The following FHIT variants were observed in gnomAD, a reference collection of about 807,000 sequenced individuals.
The protein encoded by FHIT is fragile histidine triad diadenosine triphosphatase.
Under a neutral mutation model 17.9 loss-of-function variants are expected in FHIT, and 19 were observed. The observed-to-expected ratio is 1.06, with a 90% CI of 0.74 to 1.56. The LOEUF is 1.56. Ranked by LOEUF, FHIT falls within the 40% of genes most tolerant of loss-of-function variation. The pLI, the probability that FHIT is intolerant of heterozygous loss-of-function variation, is 0.00. For synonymous variants in FHIT, 81 were observed against 69.7 expected (o/e 1.16, Z -0.81); for missense variants, 248 against 189.2 (o/e 1.31, Z -1.82).
chr3:60,663,160 A>ATATATATATATATATATC (rs1553691630), intron 4 of FHIT, among the ~76,000 whole-genome samples: 2 of 132,514 alleles, frequency 1.5e-5, no homozygotes, highest in Admixed American at 1.5e-4. Flanking sequence ...GGAGATATAT[A>ATATATATATATATATATC]TCTCTTTAAT....
At chr3:59,921,891 A>T (rs951167619) in intron 8 of FHIT, among the ~76,000 whole-genome samples, 2 of 152,242 alleles carry the variant, frequency 1.3e-5, no homozygotes, top group Admixed American at 6.5e-5. Context: ...GTTTTTGCTC[A>T]TGATAATTTA....
chr3:60,135,429 C>A (rs1006263078), intron 5 of FHIT, among the ~76,000 whole-genome samples: 2 of 152,134 alleles, frequency 1.3e-5, no homozygotes, highest in African/African-American at 4.8e-5. Context: ...GCTAACAAAT[C>A]AATTTGATTC....
intron 5 of FHIT, among the ~76,000 whole-genome samples, chr3:60,302,122 T>A (rs1708480730): frequency 6.6e-6 from 1 of 152,186 alleles, no homozygotes; most frequent in Non-Finnish European, 1.5e-5. Flanking sequence ...GAAGGCCACT[T>A]TGAATCAATA....
At chr3:60,490,235 C>G (rs576768212) in intron 5 of FHIT, among the ~76,000 whole-genome samples, 30 of 151,964 alleles carry the variant, frequency 2.0e-4, no homozygotes, top group Admixed American at 1.7e-3. Flanking sequence ...GGGTGATCAT[C>G]TAATATTTTC....
intron 4 of FHIT, among the ~76,000 whole-genome samples, chr3:60,658,348 T>C (rs942817028): frequency 1.3e-5 from 2 of 152,138 alleles, no homozygotes; most frequent in Non-Finnish European, 2.9e-5. Context: ...CACCTTACAG[T>C]TTTTTTCTGT....
At position 60,157,581 on chromosome 3, in the gene FHIT, G is replaced by A. The variant is rs371197140; in HGVS notation, c.104-143429C>T. Among the ~76,000 whole-genome samples the A allele has an allele frequency of 3.8e-4, 58 of 152,340 alleles. No homozygotes were observed. In the East Asian group the frequency reaches 9.6e-3, roughly 25 times the overall value. On this transcript the variant is annotated intron_variant, in intron 5 of 9. Transcript: ENST00000492590. ...GTGAGCTTCGAGGTGAAAGCTCTGA[G>A]GAAAAGGCAGAGTAGAAGAAGCAAA... is the stretch of plus-strand genomic sequence containing the variant.
chr3:59,788,221 A>G lies in FHIT; in HGVS notation c.349-35900T>C, dbSNP rs2106914292. Among the ~76,000 whole-genome samples the G allele has an allele frequency of 2.0e-5, 3 of 152,232 alleles. No individual in the cohort carries two copies. The Middle Eastern group carries it at 0.01, about 518-fold the overall frequency. On this transcript the variant is annotated intron_variant, in intron 8 of 9. Coordinates refer to ENST00000492590, the MANE Select transcript of FHIT (RefSeq NM_002012.4). ...CACTTTTTCATGGCCAGTAGAAGTC[A>G]CACATACCCAAGGCGAGGCTGCCCT...
intron 5 of FHIT, among the ~76,000 whole-genome samples, chr3:60,457,003 G>T (rs988706055): frequency 2.6e-5 from 4 of 152,082 alleles, no homozygotes; most frequent in Non-Finnish European, 4.4e-5. Context: ...TGGCCATACT[G>T]CCCAAGGTAA....
intron 3 of FHIT, among the ~76,000 whole-genome samples, chr3:60,869,219 C>T (rs1559788608): frequency 6.6e-6 from 1 of 152,130 alleles, no homozygotes; most frequent in Admixed American, 6.6e-5. Context: ...TTTTTGAGGA[C>T]AATTATTCAT....
At position 60,405,668 on chromosome 3, in the gene FHIT, G is replaced by A. The variant is rs1439589320; in HGVS notation, c.103+131192C>T. Among the ~76,000 whole-genome samples the A allele has an allele frequency of 2.0e-5, 3 of 152,204 alleles. 1 individual carries two copies. The highest frequency in any genetic ancestry group is 1.3e-4 in the Admixed American group (2 of 15,280). Reference sequence around the variant, plus strand: ...TAGCCAGAGGTCCCCAACTGGCAAAGAGACCAAGAAAAATCCTGCATACCA... The same window carrying A: ...TAGCCAGAGGTCCCCAACTGGCAAAAAGACCAAGAAAAATCCTGCATACCA... On this transcript the variant is annotated intron_variant, in intron 5 of 9. Transcript: ENST00000492590.
At chr3:60,524,001 C>T (rs115776256) in intron 5 of FHIT, among the ~76,000 whole-genome samples, 1,929 of 152,238 alleles carry the variant, frequency 0.013, 38 homozygotes, top group African/African-American at 0.042. Flanking sequence ...AAATGAGGAC[C>T]GTTGTCCTCT....
intron 5 of FHIT, among the ~76,000 whole-genome samples, chr3:60,129,512 G>C (rs1699430486): frequency 6.6e-6 from 1 of 152,084 alleles, no homozygotes; most frequent in African/African-American, 2.4e-5. Flanking sequence ...AACTTTCCTA[G>C]ACTACATGTT....
At chr3:60,442,348 A>C (rs1353826359) in intron 5 of FHIT, among the ~76,000 whole-genome samples, 1 of 152,078 alleles carries the variant, frequency 6.6e-6, no homozygotes, top group Non-Finnish European at 1.5e-5. Flanking sequence ...AACTCCCCCC[A>C]TGCCTATGTC....
intron 8 of FHIT, among the ~76,000 whole-genome samples, chr3:59,911,752 G>T (rs1373217820): frequency 6.6e-6 from 1 of 152,194 alleles, no homozygotes; most frequent in East Asian, 1.9e-4. Flanking sequence ...GGCAGGCAGT[G>T]CCCAAGAAGT....
chr3:60,775,354 G>A (rs1039875418), intron 4 of FHIT, among the ~76,000 whole-genome samples: 4 of 152,118 alleles, frequency 2.6e-5, no homozygotes, highest in East Asian at 1.9e-4. Flanking sequence ...CCTGTGCACC[G>A]GGGTGGAGCC....
chr3:60,708,596 G>C (rs782182004), intron 4 of FHIT, among the ~76,000 whole-genome samples: 14 of 152,164 alleles, frequency 9.2e-5, no homozygotes, highest in Non-Finnish European at 1.9e-4. Context: ...CTGGTGGCTT[G>C]AGTAGAGAAG....
At chr3:59,896,263 G>GA (rs1704066477) in intron 8 of FHIT, among the ~76,000 whole-genome samples, 1 of 152,124 alleles carries the variant, frequency 6.6e-6, no homozygotes, top group Admixed American at 6.5e-5. Context: ...CACATCTGTT[G>GA]AATGAATAGA....
intron 8 of FHIT, among the ~76,000 whole-genome samples, chr3:59,765,207 T>C (rs1050593454): frequency 2.0e-5 from 3 of 152,270 alleles, no homozygotes; most frequent in Admixed American, 6.5e-5. Flanking sequence ...CACTCAAGGG[T>C]TTAAAGGAGT....
intron 4 of FHIT, among the ~76,000 whole-genome samples, chr3:60,706,015 C>A (rs1464457025): frequency 1.3e-5 from 2 of 152,128 alleles, no homozygotes; most frequent in Non-Finnish European, 2.9e-5. Context: ...CAGACAATAG[C>A]TATTTTCCAT....
Sources: gnomAD v4.1 joint callset for allele counts (sites outside exome capture counted in the v4.1 genomes callset) on GRCh38, gnomAD v4.1.1 for gene constraint, MANE v1.5 for transcripts, NCBI Gene and HGNC (gene_info 2026-07-23, HGNC 2026-07-21) for gene names.